PUSL1: variants seen among roughly 807,000 people sequenced by gnomAD.
PUSL1 encodes pseudouridine synthase like 1.
Under a neutral mutation model 30.7 loss-of-function variants are expected in PUSL1, and 51 were observed. The observed-to-expected ratio is 1.66, with a 90% confidence interval of 1.33 to 2.10. The LOEUF is 2.10. PUSL1 is among the 30% of genes most tolerant of loss of function. PUSL1 has a pLI of 0.00. For synonymous variants in PUSL1, 290 were observed against 192.1 expected (o/e 1.51, Z -4.21); for missense variants, 609 against 427.6 (o/e 1.42, Z -3.74).
At chr1:1,309,948 G>A (rs916090363) in intron 5 of PUSL1, 97 bp downstream of exon 5, 31 of 1,052,582 alleles carry the variant, frequency 2.9e-5, no homozygotes, top group Non-Finnish European at 4.0e-5. Flanking sequence ...TGAGGCGGGA[G>A]GCAGGCAGCC....
chr1:1,309,223 C>A lies in PUSL1; in HGVS notation c.273C>A (p.Pro91=). Residue 91 remains proline (P), a synonymous_variant, in exon 3 of 8, where the codon CCC becomes CCA. Transcript: ENST00000379031. The part of the protein sequence containing the change: ...QRRSGRPPFP[P]EVLAEALNTH... ...GCTCAGGCCGGCCGCCCTTCCCGCC[C>A]GAGGTCCTGGCCGAGGCCCTCAACA... 6.6e-7 allele frequency: 1 copy of A among 1,520,242 alleles called. No individual in the cohort carries two copies. Among genetic ancestry groups the A allele is most frequent in the Non-Finnish European group, 8.8e-7 (1 of 1,142,174 alleles). 94.2% of individuals were successfully genotyped at this position (1,520,242 alleles called of 1,614,324 possible).
intron 1 of PUSL1, 50 bp from the exon 2 acceptor site, chr1:1,308,865 G>A (rs1641920293): frequency 3.5e-6 from 5 of 1,428,484 alleles, no homozygotes; most frequent in Non-Finnish European, 4.6e-6. Flanking sequence ...CGGCGGCGGA[G>A]ACCCCAGGGC....
In PUSL1 at chr1:1,308,835, G is replaced by A. The variant is rs546438850; in HGVS notation, c.78-80G>A. The A allele has an allele frequency of 4.8e-4, 699 of 1,441,456 alleles. 2 individuals are homozygous for A. The highest frequency in any genetic ancestry group is 6.0e-4 in the Non-Finnish European group (654 of 1,090,654). 89.3% of individuals were successfully genotyped at this position (1,441,456 alleles called of 1,614,324 possible). A position where few individuals can be genotyped will look rare whatever the true frequency, so the allele number is the denominator to read the frequency against. On this transcript the variant is annotated intron_variant, in intron 1 of 7. Coordinates refer to ENST00000379031, the MANE Select transcript of PUSL1 (RefSeq NM_153339.3). ...CGCGGGTTCCAAACGTTCGGGGAAGGAAGCGGCCCTGGCCTCAGACGGCGG... is the reference window on the plus strand; with the variant it reads ...CGCGGGTTCCAAACGTTCGGGGAAGAAAGCGGCCCTGGCCTCAGACGGCGG...
chr1:1,309,768 G>A lies in PUSL1; in HGVS notation c.561G>A (p.Pro187=), dbSNP rs771742963. 11 of 1,574,908 alleles carry A rather than the reference G, an allele frequency of 7.0e-6. No individual in the cohort carries two copies. The highest frequency in any genetic ancestry group is 1.7e-4 in the Middle Eastern group (1 of 6,018). ...DFSAFQSAGS[P]VPSPVRTLRR... ...GCGCCTTCCAGTCCGCTGGCAGCCC[G>A]GTGCCGAGCCCCGTGCGAACGCTGC... is the stretch of plus-strand genomic sequence containing the variant. The change falls in exon 5 of 8, where the codon CCG becomes CCA. Residue 187 remains proline, a synonymous_variant. Transcript: ENST00000379031.
chr1:1,311,622 A>C lies in PUSL1; in HGVS notation c.*243A>C. The C allele has an allele frequency of 1.4e-6, 1 of 714,114 alleles. No homozygotes were observed. The highest frequency in any genetic ancestry group is 1.5e-5 in the South Asian group (1 of 66,964). 44.2% of individuals were successfully genotyped at this position (714,114 alleles called of 1,614,324 possible). A position where few individuals can be genotyped will look rare whatever the true frequency, so the allele number is the denominator to read the frequency against. ...TAGTCTTTTGTTCAGCTTTTACTGG[A>C]AACTGCTGTCTAGGACCACCTGCCC... On this transcript the variant is annotated 3_prime_UTR_variant, in exon 8 of 8. Coordinates refer to ENST00000379031, the MANE Select transcript of PUSL1 (RefSeq NM_153339.3).
chr1:1,309,115 G>A lies in PUSL1; in HGVS notation c.165G>A (p.Glu55=), dbSNP rs1401759345. 1.3e-6 allele frequency: 2 copies of A among 1,517,234 alleles called. No individual in the cohort carries two copies. The highest frequency in any genetic ancestry group is 1.8e-6 in the Non-Finnish European group (2 of 1,141,054). 94.0% of individuals were successfully genotyped at this position (1,517,234 alleles called of 1,614,324 possible). Residue 55 remains glutamate (E), a synonymous_variant, in exon 3 of 8, where the codon GAG becomes GAA. Coordinates refer to ENST00000379031, the MANE Select transcript of PUSL1 (RefSeq NM_153339.3). ...CCGCCGAGCGGCTGAATTCCGTGGA[G>A]CCGGTCAGGTTCACCATCTCCAGCC... ...EEAAERLNSV[E]PVRFTISSRT...
Position 1,310,844 on chromosome 1 carries a change from G to T in PUSL1, c.700-65G>T, listed in dbSNP as rs780771123. ...ACGGGCGGCTCTGGGTCACAGGTACGGAGGATGACGGCTGTGCTGGTGGGT... is the reference window on the plus strand; with the variant it reads ...ACGGGCGGCTCTGGGTCACAGGTACTGAGGATGACGGCTGTGCTGGTGGGT... On this transcript the variant is annotated intron_variant, in intron 6 of 7. Coordinates refer to ENST00000379031, the MANE Select transcript of PUSL1 (RefSeq NM_153339.3). The T allele has an allele frequency of 1.9e-6, 3 of 1,595,452 alleles. No individual in the cohort carries two copies. In the South Asian group the frequency reaches 3.3e-5, roughly 18 times the overall value.
rs757928080 is a variant in PUSL1 at position 1,309,821 on chromosome 1, C to A, written c.614C>A (p.Ala205Asp). 7.1e-6 allele frequency: 11 copies of A among 1,546,570 alleles called. No individual in the cohort carries two copies. Among genetic ancestry groups the A allele is most frequent in the South Asian group, 1.2e-5 (1 of 83,874 alleles). ...CGGGTCTCCGTTTCCCCAGGCCAAG[C>A]CAGCCCCTTGGTCACCCCCGAGGAG... ...LRRVSVSPGQ[A>D]SPLVTPEESR... is the part of the protein sequence containing the mutation. Residue 205 changes from alanine to aspartate, a missense_variant, in exon 5 of 8, where the codon GCC (alanine) becomes GAC (aspartate). Physicochemically the swap from Ala to Asp is moderately radical, Grantham distance 126. Transcript: ENST00000379031.
chr1:1,308,943 C>T lies in PUSL1; in HGVS notation c.106C>T (p.Arg36Cys), dbSNP rs200089551. 3 of 1,420,258 alleles carry T rather than the reference C, an allele frequency of 2.1e-6. No individual in the cohort carries two copies. Among genetic ancestry groups the T allele is most frequent in the Non-Finnish European group, 2.8e-6 (3 of 1,090,634 alleles). 88.0% of individuals were successfully genotyped at this position (1,420,258 alleles called of 1,614,324 possible). A position where few individuals can be genotyped will look rare whatever the true frequency, so the allele number is the denominator to read the frequency against. Residue 36 changes from arginine (R) to cysteine (C), a missense_variant, in exon 2 of 8, where the codon CGC becomes TGC. Physicochemically the swap from Arg to Cys is radical, Grantham distance 180. Transcript: ENST00000379031. ...NGVAAVRGTQ[R>C]AVGVQNYLEE... ...GGTCGCGGCCGTCAGGGGCACTCAGCGCGCCGTCGGGGTCCAGAACTACCT... is the reference window on the plus strand; with the variant it reads ...GGTCGCGGCCGTCAGGGGCACTCAGTGCGCCGTCGGGGTCCAGAACTACCT...
Position 1,309,207 on chromosome 1 carries a change from G to C in PUSL1, c.257G>C (p.Arg86Pro). The change falls in exon 3 of 8, where the codon CGG becomes CCG. Residue 86 changes from arginine to proline, a missense_variant. Coordinates refer to ENST00000379031, the MANE Select transcript of PUSL1 (RefSeq NM_153339.3). Reference sequence around the variant, plus strand: ...CTGGACGTCCAGCGCCGCTCAGGCCGGCCGCCCTTCCCGCCCGAGGTCCTG... The same window carrying C: ...CTGGACGTCCAGCGCCGCTCAGGCCCGCCGCCCTTCCCGCCCGAGGTCCTG... ...AHLDVQRRSG[R>P]PPFPPEVLAE... is the part of the protein sequence containing the mutation. 1.3e-6 allele frequency: 2 copies of C among 1,528,286 alleles called. No homozygotes were observed. Among genetic ancestry groups the C allele is most frequent in the South Asian group, 1.2e-5 (1 of 81,128 alleles). The allele number at this position is 1,528,286 out of a possible 1,614,324, so 94.7% of individuals were successfully genotyped here.
intron 3 of PUSL1, 42 bp downstream of exon 3, chr1:1,309,315 G>A (rs1641955388): frequency 1.4e-6 from 2 of 1,451,572 alleles, no homozygotes; most frequent in East Asian, 5.0e-5. Flanking sequence ...GTGCCTTCCC[G>A]ACTCCATCTG....
Position 1,310,097 on chromosome 1 carries a change from G to T in PUSL1, c.644+246G>T, listed in dbSNP as rs116734645. On this transcript the variant is annotated intron_variant, in intron 5 of 7. Coordinates refer to ENST00000379031, the MANE Select transcript of PUSL1 (RefSeq NM_153339.3). ...TGAAAAACCCCTGCCATGCCTGATG[G>T]AAGAATGTTGGCAGCTACTGGAAAG... 1.4e-3 allele frequency: 748 copies of T among 519,456 alleles called. 4 individuals are homozygous for T. The highest frequency in any genetic ancestry group is 0.013 in the African/African-American group (683 of 51,544). 32.2% of individuals were successfully genotyped at this position (519,456 alleles called of 1,614,324 possible).
At chr1:1,309,939 GAGGCGGGAGGCAGGC>G in intron 5 of PUSL1, 88 bp downstream of exon 5, 7 of 1,117,736 alleles carry the variant, frequency 6.3e-6, no homozygotes, top group Non-Finnish European at 8.7e-6. Flanking sequence ...AAGGCAAGGT[GAGGCGGGAGGCAGGC>G]AGCCGGGAGT....
intron 5 of PUSL1, 56 bp downstream of exon 5, chr1:1,309,907 C>G (rs539545182): frequency 1.5e-6 from 2 of 1,320,400 alleles, no homozygotes; most frequent in Admixed American, 2.8e-5. Context: ...CTGATTTTAG[C>G]TCCAGCACCT....
At position 1,311,042 on chromosome 1, in the gene PUSL1, T is replaced by C. The variant is rs1642111501; in HGVS notation, c.833T>C (p.Phe278Ser). The C allele has an allele frequency of 1.2e-6, 2 of 1,611,710 alleles. No homozygotes were observed. The highest frequency in any genetic ancestry group is 2.2e-5 in the East Asian group (1 of 44,856). Reference protein sequence around the residue: ...QTRVAPAHGLFLKSVLYGNLG... With the variant: ...QTRVAPAHGLSLKSVLYGNLG... ...CGTGTAGCCCCAGCCCACGGCTTAT[T>C]CCTCAAGTCAGTGCTGTACGGGAAC... Residue 278 changes from phenylalanine to serine, a missense_variant, in exon 7 of 8, where the codon TTC becomes TCC. Coordinates refer to ENST00000379031, the MANE Select transcript of PUSL1 (RefSeq NM_153339.3).
In PUSL1 at chr1:1,308,724, G is replaced by A; in HGVS notation, c.77+4G>A. ...AGTACGTGGGCACCGACTTTAAGTA[G>A]GTTTCCCAGGCGCAGCGGCGGGCGC... On this transcript the variant is annotated splice_donor_region_variant and intron_variant, in intron 1 of 7. Transcript: ENST00000379031. 1.3e-6 allele frequency: 2 copies of A among 1,546,468 alleles called. No homozygotes were observed. The highest frequency in any genetic ancestry group is 1.7e-6 in the Non-Finnish European group (2 of 1,148,804).
chr1:1,308,727 T>C lies in PUSL1; in HGVS notation c.77+7T>C. Reference sequence around the variant, plus strand: ...ACGTGGGCACCGACTTTAAGTAGGTTTCCCAGGCGCAGCGGCGGGCGCCAC... The same window carrying C: ...ACGTGGGCACCGACTTTAAGTAGGTCTCCCAGGCGCAGCGGCGGGCGCCAC... On this transcript the variant is annotated splice_region_variant and intron_variant, in intron 1 of 7. Transcript: ENST00000379031. 1 of 1,544,980 alleles carries C rather than the reference T, an allele frequency of 6.5e-7. No homozygotes were observed.
intron 5 of PUSL1, chr1:1,310,392 G>A (rs934413074): frequency 3.8e-6 from 2 of 528,868 alleles, no homozygotes; most frequent in Non-Finnish European, 6.8e-6. Context: ...GGGATGGCCA[G>A]GCTACCTGCC....
chr1:1,309,766 C>T lies in PUSL1; in HGVS notation c.559C>T (p.Pro187Ser). 1.9e-6 allele frequency: 3 copies of T among 1,576,486 alleles called. No individual in the cohort carries two copies. Among genetic ancestry groups the T allele is most frequent in the Non-Finnish European group, 2.6e-6 (3 of 1,161,470 alleles). ...DFSAFQSAGS[P>S]VPSPVRTLRR... ...CAGCGCCTTCCAGTCCGCTGGCAGC[C>T]CGGTGCCGAGCCCCGTGCGAACGCT... Residue 187 changes from proline (P) to serine (S), a missense_variant, in exon 5 of 8, where the codon CCG becomes TCG. Coordinates refer to ENST00000379031, the MANE Select transcript of PUSL1 (RefSeq NM_153339.3).
Sources: allele counts gnomAD v4.1 joint callset, GRCh38; gene constraint gnomAD v4.1.1; transcripts MANE v1.5; gene names NCBI Gene and HGNC (gene_info 2026-07-23, HGNC 2026-07-21).